PPARA: variants seen among roughly 807,000 people sequenced by gnomAD.
The protein encoded by PPARA is peroxisome proliferator-activated receptor alpha.
PPARA carries 22 observed loss-of-function variants against 42.2 expected under a neutral mutation model. The observed-to-expected ratio is 0.52, with a 90% confidence interval of 0.37 to 0.74. The LOEUF (loss-of-function observed/expected upper bound fraction) is 0.74, where lower values mean the gene tolerates loss of function less well. Ranked by LOEUF, PPARA falls within the 30% of genes least tolerant of loss-of-function variation. The pLI, the probability that PPARA is intolerant of heterozygous loss-of-function variation, is 0.00. For missense variants in PPARA, 465 were observed against 608.2 expected, an observed-to-expected ratio of 0.76 and a Z score of 2.48; for synonymous variants, 242 against 239.3, an observed-to-expected ratio of 1.01 and a Z score of -0.10.
intron 5 of PPARA, among the ~76,000 whole-genome samples, chr22:46,215,689 C>T (rs1934415486): frequency 6.6e-6 from 1 of 151,806 alleles, no homozygotes. Context: ...TTGCAGTGAG[C>T]CAAGATTGCG....
intron 4 of PPARA, among the ~76,000 whole-genome samples, chr22:46,202,794 C>T (rs532133568): frequency 9.2e-4 from 137 of 148,644 alleles, no homozygotes; most frequent in African/African-American, 3.2e-3. Context: ...ATCCAGGAGG[C>T]GGAGGTTGCA....
chr22:46,195,477 T>C lies in PPARA; in HGVS notation c.-42-2865T>C, dbSNP rs894390183. Among the ~76,000 whole-genome samples the C allele has an allele frequency of 3.9e-5, 6 of 152,204 alleles. No homozygotes were observed. The highest frequency in any genetic ancestry group is 7.3e-5 in the Non-Finnish European group (5 of 68,044). ...GAAAGGTTAACAGTTCTCTTATTTT[T>C]CCCTGTGTGCTATTTGATGATTTCC... On this transcript the variant is annotated intron_variant, in intron 3 of 8. Transcript: ENST00000407236. This position sits in a 1 kb window ranked among gnomAD's most constrained non-coding sequence, Gnocchi z 4.6.
intron 3 of PPARA, among the ~76,000 whole-genome samples, chr22:46,177,788 G>A (rs190991309): frequency 1.4e-5 from 2 of 142,056 alleles, no homozygotes; most frequent in East Asian, 3.9e-4. Flanking sequence ...AACCTCAGGC[G>A]TGTAGCCAGT....
At chr22:46,175,227 G>T (rs1037387999) in intron 2 of PPARA, among the ~76,000 whole-genome samples, 4 of 152,040 alleles carry the variant, frequency 2.6e-5, no homozygotes, top group African/African-American at 9.7e-5. Context: ...TTCCCCAAGG[G>T]TAACATCTTG....
chr22:46,210,109 A>G (rs575896065), intron 4 of PPARA, among the ~76,000 whole-genome samples: 280 of 152,062 alleles, frequency 1.8e-3, no homozygotes, highest in African/African-American at 6.3e-3. Context: ...CGGGAGTTCG[A>G]GACCAGCCTG....
intron 7 of PPARA, 70 bp downstream of exon 7, chr22:46,220,084 C>T: frequency 6.6e-7 from 1 of 1,520,722 alleles, no homozygotes; most frequent in Non-Finnish European, 9.1e-7. Context: ...CGATTAAGGA[C>T]ACATGTGTTG....
intron 5 of PPARA, among the ~76,000 whole-genome samples, chr22:46,215,805 T>G (rs1934432820): frequency 6.6e-6 from 1 of 152,050 alleles, no homozygotes; most frequent in Non-Finnish European, 1.5e-5. Context: ...GATTAGCCTC[T>G]CTTTATAGCA....
intron 5 of PPARA, among the ~76,000 whole-genome samples, chr22:46,215,776 G>A (rs372893128): frequency 1.2e-4 from 19 of 152,082 alleles, no homozygotes; most frequent in African/African-American, 4.6e-4. Context: ...AAAAGAAAAA[G>A]AAACTGACCT....
Position 46,190,269 on chromosome 22 carries a change from A to G in PPARA, c.-42-8073A>G, listed in dbSNP as rs1931367006. On this transcript the variant is annotated intron_variant, in intron 3 of 8. Transcript: ENST00000407236. The surrounding 1 kb of genome is among the most constrained non-coding windows in gnomAD (Gnocchi z 5.6). ...AGAAGACTTCCATCCTTTACCCTCA[A>G]AGTGTTCCATGAGGTTGGATCAGAC... Among the ~76,000 whole-genome samples, 2 of 152,186 alleles carry G rather than the reference A, an allele frequency of 1.3e-5. 1 individual carries two copies. The highest frequency in any genetic ancestry group is 4.1e-4 in the South Asian group (2 of 4,830).
rs1926270766 is a variant in PPARA, at chr22:46,162,075, A to G, written c.-127+10105A>G. Among the ~76,000 whole-genome samples the G allele has an allele frequency of 6.6e-6, 1 of 152,112 alleles. No individual in the cohort carries two copies. Among genetic ancestry groups the G allele is most frequent in the Non-Finnish European group, 1.5e-5 (1 of 68,012 alleles). On this transcript the variant is annotated intron_variant, in intron 2 of 8. Transcript: ENST00000407236. This position sits in a 1 kb window ranked among gnomAD's most constrained non-coding sequence, Gnocchi z 6.0. ...CTGCTAGGGCTGGGTGGGGGACATC[A>G]AAGGCAGGACAAGGTGTAGGGTCCT...
rs1156906098 is a variant in PPARA at position 46,205,541 on chromosome 22, TATATATATATATA to T, written c.208+6951_208+6963del. 1.2e-3 allele frequency among the ~76,000 whole-genome samples: 45 copies of T among 36,088 alleles called. 1 individual carries two copies. The highest frequency in any genetic ancestry group is 5.4e-3 in the African/African-American group (40 of 7,362). The allele number at this position is 36,088 out of a possible 152,430, so 23.7% of individuals were successfully genotyped here. A position where few individuals can be genotyped will look rare whatever the true frequency, so the allele number is the denominator to read the frequency against. ...AGCCATATATATATATATATATATA[TATATATATATATA>T]TTTTTTTTTTTTTTTTTTTTTTTTT... On this transcript the variant is annotated intron_variant, in intron 4 of 8. Coordinates refer to ENST00000407236, the MANE Select transcript of PPARA (RefSeq NM_005036.6).
intron 5 of PPARA, among the ~76,000 whole-genome samples, chr22:46,217,819 C>CTTTTTTTTTTTTTTTTTTTTTT (rs60894989): frequency 1.3e-5 from 1 of 77,046 alleles, no homozygotes; most frequent in Non-Finnish European, 2.3e-5. Context: ...CTATTTCTTT[C>CTTTTTTTTTTTTTTTTTTTTTT]TTTTTTTTTT....
intron 4 of PPARA, among the ~76,000 whole-genome samples, chr22:46,207,684 T>TTTTTTA (rs1933518247): frequency 1.7e-5 from 2 of 116,280 alleles, no homozygotes; most frequent in African/African-American, 8.5e-5. Flanking sequence ...ATTATTTTTT[T>TTTTTTA]TTTTTTTTTT....
rs1936168554 is a variant in PPARA at position 46,235,662 on chromosome 22, A to C, written c.*282A>C. On this transcript the variant is annotated 3_prime_UTR_variant, in exon 9 of 9. Transcript: ENST00000407236. The surrounding 1 kb of genome is among the most constrained non-coding windows in gnomAD (Gnocchi z 7.0). ...TCTGATTTTAACTCACCCGATGTTA[A>C]TCAATGCACATTGCTTTAGATCACA... 1.5e-4 allele frequency: 71 copies of C among 458,248 alleles called. No individual in the cohort carries two copies. The highest frequency in any genetic ancestry group is 1.5e-3 in the South Asian group (67 of 46,190). 28.4% of individuals were successfully genotyped at this position (458,248 alleles called of 1,614,324 possible).
intron 4 of PPARA, among the ~76,000 whole-genome samples, 194 bp downstream of exon 4, chr22:46,198,785 C>T (rs943346963): frequency 2.6e-5 from 4 of 151,642 alleles, no homozygotes; most frequent in African/African-American, 7.3e-5. Flanking sequence ...CTCAGCCTCC[C>T]GAGTAGCTGG....
chr22:46,213,604 T>G (rs1934152023), intron 4 of PPARA, among the ~76,000 whole-genome samples: 1 of 151,512 alleles, frequency 6.6e-6, no homozygotes. Context: ...TTTCTTTTTT[T>G]TTTGAGATGA....
rs1936253935 is a variant in PPARA at position 46,237,458 on chromosome 22, CG to C, written c.*2082del. The C allele has an allele frequency of 6.6e-6, 1 of 152,150 alleles. No individual in the cohort carries two copies. The highest frequency in any genetic ancestry group is 2.4e-5 in the African/African-American group (1 of 41,310). The allele number at this position is 152,150 out of a possible 1,614,324, so 9.4% of individuals were successfully genotyped here. On this transcript the variant is annotated 3_prime_UTR_variant, in exon 9 of 9. Transcript: ENST00000407236. The surrounding 1 kb of genome is among the most constrained non-coding windows in gnomAD (Gnocchi z 6.7). ...ACACAAAATTTAAAAATTAGTTCATCGGGGTGGCACACATCAGTAGTCCCAG... is the reference window on the plus strand; with the variant it reads ...ACACAAAATTTAAAAATTAGTTCATCGGGTGGCACACATCAGTAGTCCCAG...
At chr22:46,154,972 A>G (rs979948518) in intron 2 of PPARA, 1 of 126,674 alleles carries the variant, frequency 7.9e-6, no homozygotes, top group African/African-American at 2.9e-5. Flanking sequence ...TGCACCCGGC[A>G]TAAGTGGTCT....
At chr22:46,207,233 A>C (rs997425874) in intron 4 of PPARA, among the ~76,000 whole-genome samples, 2 of 151,736 alleles carry the variant, frequency 1.3e-5, no homozygotes, top group South Asian at 2.1e-4. Context: ...CCTGCAAAAA[A>C]AAAGAAAAAG....
Sources: gnomAD v4.1 joint callset for allele counts (sites outside exome capture counted in the v4.1 genomes callset) on GRCh38, gnomAD v4.1.1 for gene constraint, Gnocchi (gnomAD v3.1) non-coding constraint, MANE v1.5 for transcripts, NCBI Gene and HGNC (gene_info 2026-07-23, HGNC 2026-07-21) for gene names.